NPAS3: variants seen among roughly 807,000 people sequenced by gnomAD.
NPAS3 encodes the protein neuronal PAS domain-containing protein 3.
In NPAS3, 14 loss-of-function variants were observed where a neutral mutation model predicts 73.1. The observed-to-expected ratio is 0.19, with a 90% confidence interval of 0.13 to 0.30. The LOEUF (loss-of-function observed/expected upper bound fraction) is 0.30. Among genes scored for constraint, NPAS3 ranks in the 10% least tolerant of loss-of-function variants. The pLI, the probability that NPAS3 is intolerant of heterozygous loss-of-function variation, is 1.00. For missense variants in NPAS3, 1,096 were observed against 1,250.0 expected, an observed-to-expected ratio of 0.88 and a Z score of 1.86; for synonymous variants, 620 against 541.5, an observed-to-expected ratio of 1.14 and a Z score of -2.01.
At chr14:33,641,344 G>GA (rs964045101) in intron 5 of NPAS3, among the ~76,000 whole-genome samples, 9 of 152,020 alleles carry the variant, frequency 5.9e-5, no homozygotes, top group Non-Finnish European at 8.8e-5. Flanking sequence ...AGTTGAATAT[G>GA]AAAAAAATAA....
chr14:33,424,574 A>G (rs59149113), intron 4 of NPAS3, among the ~76,000 whole-genome samples: 21,466 of 151,972 alleles, frequency 0.14, 2,435 homozygotes, highest in East Asian at 0.39. Flanking sequence ...AGAAGGAATG[A>G]ACTTAGGAAA....
intron 5 of NPAS3, among the ~76,000 whole-genome samples, chr14:33,670,858 A>AC (rs1567111140): frequency 2.2e-4 from 33 of 149,588 alleles, no homozygotes; most frequent in African/African-American, 7.6e-4. Flanking sequence ...TGGGGCCTGG[A>AC]TGCAGAAGGA....
At chr14:33,599,912 G>A (rs2057350846) in intron 5 of NPAS3, among the ~76,000 whole-genome samples, 1 of 152,176 alleles carries the variant, frequency 6.6e-6, no homozygotes, top group Admixed American at 6.5e-5. Context: ...TCTAATTCAG[G>A]AGTCCATGAG....
exon 8 of NPAS3, chr14:33,774,446 C>T (rs2062750251): frequency 6.2e-7 from 1 of 1,614,096 alleles, no homozygotes; most frequent in African/African-American, 1.3e-5. Context: ...TTGCCTCCCC[C>T]TACGATCAAT....
At chr14:33,746,351 G>A (rs1404622367) in intron 7 of NPAS3, among the ~76,000 whole-genome samples, 1 of 151,586 alleles carries the variant, frequency 6.6e-6, no homozygotes, top group African/African-American at 2.4e-5. Context: ...ACCATGCCCG[G>A]CTAGTTTTTG....
chr14:33,047,364 A>G (rs182746565), intron 1 of NPAS3, among the ~76,000 whole-genome samples: 269 of 152,290 alleles, frequency 1.8e-3, no homozygotes, highest in African/African-American at 6.2e-3. Flanking sequence ...CCCATTGTGC[A>G]TGCTGCCATC....
At position 33,172,044 on chromosome 14, in the gene NPAS3, A is replaced by G. The variant is rs539675867; in HGVS notation, c.141-43138A>G. On this transcript the variant is annotated intron_variant, in intron 2 of 11. Transcript: ENST00000356141. The stretch of plus-strand genomic sequence containing the variant: ...AACACACACAATTATTAAGTGTGCC[A>G]TCGTATATAAGCATGATTTGTGTAC... Among the ~76,000 whole-genome samples, 3 of 152,312 alleles carry G rather than the reference A, an allele frequency of 2.0e-5. No individual in the cohort carries two copies. In the East Asian group the frequency reaches 5.8e-4, roughly 29 times the overall value.
intron 4 of NPAS3, among the ~76,000 whole-genome samples, chr14:33,456,789 G>A (rs1439786170): frequency 6.6e-6 from 1 of 152,116 alleles, no homozygotes; most frequent in African/African-American, 2.4e-5. Context: ...CTTACCTGTG[G>A]GACTGTTCTT....
intron 1 of NPAS3, among the ~76,000 whole-genome samples, chr14:32,939,876 G>C (rs954721533): frequency 1.3e-5 from 2 of 151,876 alleles, no homozygotes; most frequent in Admixed American, 1.3e-4. Flanking sequence ...CGCGGAGCTC[G>C]CGCCAGGCCC....
At chr14:32,997,443 G>T (rs570320034) in intron 1 of NPAS3, among the ~76,000 whole-genome samples, 1 of 152,176 alleles carries the variant, frequency 6.6e-6, no homozygotes, top group Admixed American at 6.5e-5. Flanking sequence ...TTCGTCCTGT[G>T]TCCCTCACCC....
chr14:33,339,311 T>C (rs1173086388), intron 3 of NPAS3, among the ~76,000 whole-genome samples: 2 of 152,138 alleles, frequency 1.3e-5, no homozygotes, highest in African/African-American at 4.8e-5. Flanking sequence ...GACCTTAAAG[T>C]TCTGGGGGTG....
intron 5 of NPAS3, among the ~76,000 whole-genome samples, chr14:33,594,639 C>T (rs1030350352): frequency 6.6e-6 from 1 of 152,286 alleles, no homozygotes; most frequent in South Asian, 2.1e-4. Flanking sequence ...GGAAGAAGCA[C>T]TGATGCTCTT....
At chr14:32,935,309 A>C (rs1323720223), upstream of NPAS3, among the ~76,000 whole-genome samples, 3 of 152,158 alleles carry the variant, frequency 2.0e-5, no homozygotes, top group Admixed American at 2.0e-4. Flanking sequence ...GCTTTTGCAA[A>C]GTTTAGGATC....
chr14:33,406,864 T>C (rs536643565), intron 4 of NPAS3, among the ~76,000 whole-genome samples: 2 of 152,232 alleles, frequency 1.3e-5, no homozygotes, highest in South Asian at 4.1e-4. Flanking sequence ...ACCCTTCTAA[T>C]GGTTTGTTAG....
intron 3 of NPAS3, among the ~76,000 whole-genome samples, chr14:33,294,678 C>T (rs2042224795): frequency 6.6e-6 from 1 of 152,136 alleles, no homozygotes; most frequent in African/African-American, 2.4e-5. Flanking sequence ...TCTAAATAAG[C>T]ATCACTACCC....
intron 6 of NPAS3, among the ~76,000 whole-genome samples, chr14:33,699,027 ATC>A (rs2060459950): frequency 6.6e-6 from 1 of 152,150 alleles, no homozygotes; most frequent in Non-Finnish European, 1.5e-5. Flanking sequence ...GTGGACAAGA[ATC>A]TCTGCAGGGA....
intron 5 of NPAS3, among the ~76,000 whole-genome samples, chr14:33,602,009 A>G (rs1436176695): frequency 2.6e-5 from 4 of 152,156 alleles, no homozygotes; most frequent in South Asian, 2.1e-4. Flanking sequence ...GAGTCCTACA[A>G]CTTTTCCAGC....
At chr14:33,173,888 G>C (rs935532190) in intron 2 of NPAS3, among the ~76,000 whole-genome samples, 2 of 152,132 alleles carry the variant, frequency 1.3e-5, no homozygotes, top group Non-Finnish European at 2.9e-5. Context: ...AAAACATGAT[G>C]ATTGTCAGAG....
At chr14:33,690,081 G>T (rs563849730) in intron 6 of NPAS3, among the ~76,000 whole-genome samples, 1 of 152,294 alleles carries the variant, frequency 6.6e-6, no homozygotes, top group African/African-American at 2.4e-5. Context: ...CCACAATGTG[G>T]GTTATGTACC....
Sources: allele counts gnomAD v4.1 joint callset (sites outside exome capture counted in the v4.1 genomes callset), GRCh38; gene constraint gnomAD v4.1.1; transcripts MANE v1.5; gene names NCBI Gene and HGNC (gene_info 2026-07-23, HGNC 2026-07-21).